Variants in PAPSS1 observed in about 807,000 individuals in gnomAD.
PAPSS1 encodes bifunctional 3'-phosphoadenosine 5'-phosphosulfate synthase 1.
Under a neutral mutation model 72.0 loss-of-function variants are expected in PAPSS1, and 50 were observed. The observed-to-expected ratio is 0.69, with a 90% confidence interval of 0.55 to 0.88. The LOEUF is 0.88. Among genes scored for constraint, PAPSS1 ranks in the 40% least tolerant of loss-of-function variants. The pLI, the probability that PAPSS1 is intolerant of heterozygous loss-of-function variation, is 0.00. For synonymous variants in PAPSS1, 261 were observed against 263.6 expected (o/e 0.99, Z 0.09); for missense variants, 657 against 782.2 (o/e 0.84, Z 1.91).
intron 10 of PAPSS1, among the ~76,000 whole-genome samples, chr4:107,640,512 G>A (rs1726509156): frequency 6.6e-6 from 1 of 151,590 alleles, no homozygotes; most frequent in African/African-American, 2.4e-5. Flanking sequence ...AAGCATTACT[G>A]ACAGACTTTT....
At chr4:107,701,085 C>T (rs17510783) in intron 2 of PAPSS1, 86 bp downstream of exon 2, 387,267 of 701,930 alleles carry the variant, frequency 0.55, 111,605 homozygotes, top group Middle Eastern at 0.68. Flanking sequence ...GAACAGAGCT[C>T]AAAATTTAAA....
intron 11 of PAPSS1, among the ~76,000 whole-genome samples, chr4:107,618,585 G>C (rs1009471286): frequency 3.9e-5 from 6 of 151,980 alleles, no homozygotes; most frequent in African/African-American, 1.5e-4. Flanking sequence ...GGAAACAGAA[G>C]GTGGTGGGGG....
chr4:107,696,870 C>A (rs1039467291), intron 2 of PAPSS1, among the ~76,000 whole-genome samples: 3 of 152,072 alleles, frequency 2.0e-5, no homozygotes, highest in Admixed American at 6.6e-5. Context: ...ACTGAATATC[C>A]CATCCTACAA....
intron 6 of PAPSS1, among the ~76,000 whole-genome samples, chr4:107,658,421 G>T (rs1727077831): frequency 6.6e-6 from 1 of 150,780 alleles, no homozygotes; most frequent in Non-Finnish European, 1.5e-5. Flanking sequence ...TCTTACCCAT[G>T]ACAGAGTACT....
chr4:107,651,448 G>C (rs1039447683), intron 9 of PAPSS1, among the ~76,000 whole-genome samples: 11 of 152,290 alleles, frequency 7.2e-5, no homozygotes, highest in African/African-American at 2.6e-4. Context: ...TTACCATGTT[G>C]CTATGAAGAA....
intron 10 of PAPSS1, among the ~76,000 whole-genome samples, chr4:107,643,372 G>A (rs1726606563): frequency 6.6e-6 from 1 of 152,166 alleles, no homozygotes; most frequent in Non-Finnish European, 1.5e-5. Context: ...AAACACGGAG[G>A]TATAATGCCT....
chr4:107,718,884 G>A (rs552007317), intron 1 of PAPSS1, among the ~76,000 whole-genome samples: 1 of 152,152 alleles, frequency 6.6e-6, no homozygotes, highest in Non-Finnish European at 1.5e-5. Flanking sequence ...TGTCTTCTTT[G>A]TTCATCAAAA....
chr4:107,626,875 A>T (rs1209990802), intron 11 of PAPSS1, among the ~76,000 whole-genome samples: 2 of 152,190 alleles, frequency 1.3e-5, no homozygotes, highest in African/African-American at 4.8e-5. Flanking sequence ...AAGTTAGAAA[A>T]CTAAGGCAGT....
intron 5 of PAPSS1, among the ~76,000 whole-genome samples, chr4:107,676,578 A>G (rs1401395096): frequency 6.6e-6 from 1 of 152,260 alleles, no homozygotes; most frequent in African/African-American, 2.4e-5. Flanking sequence ...ATGGGTAGGA[A>G]GAATCAATAT....
intron 5 of PAPSS1, among the ~76,000 whole-genome samples, chr4:107,660,793 GT>G (rs762606744): frequency 4.6e-5 from 7 of 152,078 alleles, no homozygotes; most frequent in Non-Finnish European, 7.4e-5. Flanking sequence ...ACTTTAATTT[GT>G]TTTAAGCCAA....
intron 1 of PAPSS1, among the ~76,000 whole-genome samples, chr4:107,713,907 T>C (rs1723568199): frequency 6.6e-6 from 1 of 152,198 alleles, no homozygotes; most frequent in Non-Finnish European, 1.5e-5. Context: ...CTCTACATAA[T>C]GTCTGGTATT....
intron 8 of PAPSS1, 88 bp downstream of exon 8, chr4:107,654,607 T>A: frequency 9.7e-7 from 1 of 1,031,408 alleles, no homozygotes; most frequent in Non-Finnish European, 1.5e-6. Flanking sequence ...ACAATTCCAA[T>A]GAAAAGTCAA....
chr4:107,621,369 C>T (rs1454473276), intron 11 of PAPSS1, among the ~76,000 whole-genome samples: 2 of 152,134 alleles, frequency 1.3e-5, no homozygotes, highest in Non-Finnish European at 2.9e-5. Flanking sequence ...CTGCGTACAA[C>T]TGTGTTAGAT....
chr4:107,615,646 C>T (rs1471688666), intron 11 of PAPSS1, among the ~76,000 whole-genome samples: 3 of 151,964 alleles, frequency 2.0e-5, no homozygotes, highest in African/African-American at 4.8e-5. Context: ...AGTCCTGAGT[C>T]GAATATTACA....
chr4:107,618,182 A>G (rs900493644), intron 11 of PAPSS1, among the ~76,000 whole-genome samples: 1 of 152,212 alleles, frequency 6.6e-6, no homozygotes, highest in African/African-American at 2.4e-5. Flanking sequence ...GATTATATGT[A>G]GTCATGGAAG....
intron 5 of PAPSS1, among the ~76,000 whole-genome samples, chr4:107,670,141 C>A (rs1331704416): frequency 6.6e-6 from 1 of 152,134 alleles, no homozygotes; most frequent in African/African-American, 2.4e-5. Context: ...ATAAACAGAA[C>A]AAGTTATTTT....
chr4:107,688,399 T>C (rs963167296), intron 3 of PAPSS1, among the ~76,000 whole-genome samples: 1 of 152,176 alleles, frequency 6.6e-6, no homozygotes, highest in Non-Finnish European at 1.5e-5. Context: ...ACACTACAAT[T>C]GTGCCTGTGA....
intron 3 of PAPSS1, among the ~76,000 whole-genome samples, chr4:107,689,860 C>T (rs960890411): frequency 6.6e-6 from 1 of 152,120 alleles, no homozygotes; most frequent in Non-Finnish European, 1.5e-5. Context: ...GCATGTCCTC[C>T]CCTCCTATCC....
chr4:107,680,644 C>T (rs764419088), intron 5 of PAPSS1, among the ~76,000 whole-genome samples: 5 of 152,100 alleles, frequency 3.3e-5, no homozygotes, highest in African/African-American at 7.2e-5. Flanking sequence ...TAAATCTTTG[C>T]ATTACTAGAG....
Sources: gnomAD v4.1 joint callset for allele counts (sites outside exome capture counted in the v4.1 genomes callset) on GRCh38, gnomAD v4.1.1 for gene constraint, MANE v1.5 for transcripts, NCBI Gene and HGNC (gene_info 2026-07-23, HGNC 2026-07-21) for gene names.